Variants in CNTNAP2 observed in about 807,000 individuals in gnomAD.
CNTNAP2 encodes contactin associated protein 2, also known as contactin-associated protein-like 2.
In CNTNAP2, 98 loss-of-function variants were observed where a neutral mutation model predicts 155.2. The ratio of observed to expected loss-of-function variants is 0.63; its 90% CI spans 0.54 to 0.75. The LOEUF (loss-of-function observed/expected upper bound fraction) is 0.75, where lower values mean the gene tolerates loss of function less well. Ranked by LOEUF, CNTNAP2 falls within the 30% of genes least tolerant of loss-of-function variation. The pLI, the probability that CNTNAP2 is intolerant of heterozygous loss-of-function variation, is 0.00. For missense variants in CNTNAP2, 1,727 were observed against 1,688.1 expected, an observed-to-expected ratio of 1.02 and a Z score of -0.40; for synonymous variants, 651 against 631.2, an observed-to-expected ratio of 1.03 and a Z score of -0.47.
At chr7:146,448,853 C>T (rs1284200545) in intron 1 of CNTNAP2, among the ~76,000 whole-genome samples, 1 of 151,976 alleles carries the variant, frequency 6.6e-6, no homozygotes, top group East Asian at 1.9e-4. Context: ...AACTTATATC[C>T]GTCTGCTGGA....
At chr7:146,716,744 TGATCAAAGGA>T (rs1365731869) in intron 1 of CNTNAP2, among the ~76,000 whole-genome samples, 1 of 152,208 alleles carries the variant, frequency 6.6e-6, no homozygotes, top group East Asian at 1.9e-4. Flanking sequence ...GTGGTTATTA[TGATCAAAGGA>T]GATCAATATG....
intron 1 of CNTNAP2, among the ~76,000 whole-genome samples, chr7:146,704,079 G>A (rs1800922409): frequency 6.6e-6 from 1 of 152,096 alleles, no homozygotes; most frequent in Admixed American, 6.6e-5. Flanking sequence ...TATAAAAAAT[G>A]CAGCTCTAAG....
At chr7:147,586,918 T>C (rs1010084075) in intron 12 of CNTNAP2, among the ~76,000 whole-genome samples, 2 of 152,164 alleles carry the variant, frequency 1.3e-5, no homozygotes, top group African/African-American at 2.4e-5. Context: ...TTTGTGCTCA[T>C]CATTACCCTT....
At chr7:146,990,368 T>C (rs1009855822) in intron 3 of CNTNAP2, among the ~76,000 whole-genome samples, 5 of 152,144 alleles carry the variant, frequency 3.3e-5, no homozygotes, top group Non-Finnish European at 5.9e-5. Flanking sequence ...CAAAAACAAG[T>C]GTATCCCCAT....
Position 147,083,955 on chromosome 7 carries a change from T to A in CNTNAP2, c.551-24192T>A, listed in dbSNP as rs576797403. ...TATGTATATATTATATAGCATTATA[T>A]ATAGCATTATATATGTGTATACACA... On this transcript the variant is annotated intron_variant, in intron 4 of 23. Coordinates refer to ENST00000361727, the MANE Select transcript of CNTNAP2 (RefSeq NM_014141.6). Among the ~76,000 whole-genome samples the A allele has an allele frequency of 6.3e-3, 872 of 139,050 alleles. 23 individuals are homozygous for A. Among genetic ancestry groups the A allele is most frequent in the African/African-American group, 0.021 (816 of 38,702 alleles). 91.2% of individuals were successfully genotyped at this position (139,050 alleles called of 152,430 possible).
At chr7:146,393,468 T>TG (rs1795574489) in intron 1 of CNTNAP2, among the ~76,000 whole-genome samples, 1 of 152,152 alleles carries the variant, frequency 6.6e-6, no homozygotes, top group Admixed American at 6.6e-5. Flanking sequence ...CATTGTGAGG[T>TG]TAATAGGACC....
At chr7:146,880,618 C>A (rs1795525878) in intron 3 of CNTNAP2, among the ~76,000 whole-genome samples, 1 of 151,980 alleles carries the variant, frequency 6.6e-6, no homozygotes, top group Admixed American at 6.6e-5. Flanking sequence ...TTATGTTTTC[C>A]CTCTTTATCA....
chr7:146,618,065 A>G (rs982430569), intron 1 of CNTNAP2, among the ~76,000 whole-genome samples: 1 of 152,104 alleles, frequency 6.6e-6, no homozygotes, highest in African/African-American at 2.4e-5. Flanking sequence ...AGTAATAAAA[A>G]CCCTTTAGGA....
At chr7:147,768,881 A>C (rs551015517) in intron 13 of CNTNAP2, among the ~76,000 whole-genome samples, 2 of 152,302 alleles carry the variant, frequency 1.3e-5, no homozygotes, top group Admixed American at 6.5e-5. Context: ...GCTTTGCTAA[A>C]TTATAATATA....
chr7:147,873,157 A>G (rs1181757191), intron 13 of CNTNAP2, among the ~76,000 whole-genome samples: 2 of 152,248 alleles, frequency 1.3e-5, no homozygotes, highest in Non-Finnish European at 2.9e-5. Flanking sequence ...GAAAACTAAA[A>G]TTAGTAACAC....
chr7:146,330,299 G>A (rs1801163527), intron 1 of CNTNAP2, among the ~76,000 whole-genome samples: 2 of 152,100 alleles, frequency 1.3e-5, no homozygotes, highest in Non-Finnish European at 1.5e-5. Flanking sequence ...TGGGATTACA[G>A]GCGTGAGCCA....
At chr7:147,709,505 A>G (rs1796371748) in intron 13 of CNTNAP2, among the ~76,000 whole-genome samples, 1 of 152,180 alleles carries the variant, frequency 6.6e-6, no homozygotes, top group Non-Finnish European at 1.5e-5. Context: ...CATGGACGTG[A>G]CATAAGGAAG....
chr7:148,256,574 T>C (rs945051971), intron 20 of CNTNAP2, among the ~76,000 whole-genome samples: 3 of 152,114 alleles, frequency 2.0e-5, no homozygotes, highest in South Asian at 2.1e-4. Flanking sequence ...TAGAGGACAG[T>C]GCCTTACCGA....
intron 18 of CNTNAP2, among the ~76,000 whole-genome samples, chr7:148,185,389 T>G (rs1403682844): frequency 6.6e-6 from 1 of 152,224 alleles, no homozygotes; most frequent in Non-Finnish European, 1.5e-5. Flanking sequence ...AGGTTGTTAT[T>G]GAGATCGTTA....
intron 21 of CNTNAP2, among the ~76,000 whole-genome samples, chr7:148,357,833 A>G (rs1798546027): frequency 1.3e-5 from 2 of 152,220 alleles, no homozygotes; most frequent in South Asian, 2.1e-4. Context: ...TGATTACTTT[A>G]TAGTTAGCAT....
At chr7:148,213,841 G>A (rs902240562) in intron 18 of CNTNAP2, among the ~76,000 whole-genome samples, 17 of 152,254 alleles carry the variant, frequency 1.1e-4, no homozygotes, top group African/African-American at 4.1e-4. Flanking sequence ...TGAGGGCAGG[G>A]GTCACCTGTG....
chr7:146,824,459 C>T (rs767258298), intron 2 of CNTNAP2, among the ~76,000 whole-genome samples: 7 of 152,082 alleles, frequency 4.6e-5, no homozygotes, highest in Non-Finnish European at 1.0e-4. Context: ...TGAGGAATCG[C>T]CACACTGTGT....
chr7:146,946,067 T>TCCCTTC (rs139272159), intron 3 of CNTNAP2, among the ~76,000 whole-genome samples: 1 of 138,974 alleles, frequency 7.2e-6, no homozygotes, highest in Non-Finnish European at 1.6e-5. Context: ...GACCCTTCCT[T>TCCCTTC]CCTTCCCTTC....
At chr7:147,065,169 T>G (rs1221330402) in intron 4 of CNTNAP2, among the ~76,000 whole-genome samples, 1 of 152,104 alleles carries the variant, frequency 6.6e-6, no homozygotes, top group Non-Finnish European at 1.5e-5. Context: ...GTCATTGACC[T>G]TTTTGGAGCT....
Sources: gnomAD v4.1 joint callset for allele counts (sites outside exome capture counted in the v4.1 genomes callset) on GRCh38, gnomAD v4.1.1 for gene constraint, MANE v1.5 for transcripts, NCBI Gene and HGNC (gene_info 2026-07-23, HGNC 2026-07-21) for gene names.